The following KCNH8 variants were observed in gnomAD, a reference collection of about 807,000 sequenced individuals.
KCNH8 encodes voltage-gated delayed rectifier potassium channel KCNH8.
In KCNH8, 70 loss-of-function variants were observed where a neutral mutation model predicts 103.6. The observed-to-expected ratio is 0.68, with a 90% CI of 0.56 to 0.82. The LOEUF is 0.82. Among genes scored for constraint, KCNH8 ranks in the 40% least tolerant of loss-of-function variants. The pLI is 0.00. For missense variants in KCNH8, 1,217 were observed against 1,329.9 expected, an observed-to-expected ratio of 0.92 and a Z score of 1.32; for synonymous variants, 498 against 489.4, an observed-to-expected ratio of 1.02 and a Z score of -0.23.
chr3:19,282,824 G>A (rs2064775712), intron 3 of KCNH8, among the ~76,000 whole-genome samples: 1 of 152,012 alleles, frequency 6.6e-6, no homozygotes, highest in Non-Finnish European at 1.5e-5. Flanking sequence ...TGCCATCCAC[G>A]TTCTGAATCA....
At chr3:19,209,365 T>G (rs948469537) in intron 1 of KCNH8, among the ~76,000 whole-genome samples, 1 of 152,084 alleles carries the variant, frequency 6.6e-6, no homozygotes, top group African/African-American at 2.4e-5. Flanking sequence ...TTCTACTTCT[T>G]GAGGAAAATG....
At chr3:19,150,545 A>G (rs547829562) in intron 1 of KCNH8, among the ~76,000 whole-genome samples, 9 of 152,300 alleles carry the variant, frequency 5.9e-5, no homozygotes, top group East Asian at 5.8e-4. Context: ...TCAGATATCA[A>G]TTGCTAATGA....
At chr3:19,375,577 T>G (rs573902398) in intron 5 of KCNH8, among the ~76,000 whole-genome samples, 1 of 150,482 alleles carries the variant, frequency 6.6e-6, no homozygotes, top group East Asian at 2.0e-4. Flanking sequence ...CAGAGTAATT[T>G]GATCGTCTGA....
At chr3:19,298,323 T>A (rs950949563) in intron 3 of KCNH8, among the ~76,000 whole-genome samples, 6 of 152,348 alleles carry the variant, frequency 3.9e-5, no homozygotes, top group African/African-American at 1.4e-4. Flanking sequence ...ATATTTGCCA[T>A]ACCTGCTGTT....
Position 19,331,253 on chromosome 3 carries a change from A to T in KCNH8, c.443-11334A>T, listed in dbSNP as rs542919292. Among the ~76,000 whole-genome samples, 73 of 56,156 alleles carry T rather than the reference A, an allele frequency of 1.3e-3. No individual in the cohort carries two copies. The South Asian group carries it at 0.023, about 17-fold the overall frequency. 36.8% of individuals were successfully genotyped at this position (56,156 alleles called of 152,430 possible). ...TGGACTTCTTTCTTTAATTATTTTTATTTATTTATTTATTTATTTATTTAT... is the reference window on the plus strand; with the variant it reads ...TGGACTTCTTTCTTTAATTATTTTTTTTTATTTATTTATTTATTTATTTAT... On this transcript the variant is annotated intron_variant, in intron 3 of 15. Coordinates refer to ENST00000328405, the MANE Select transcript of KCNH8 (RefSeq NM_144633.3).
chr3:19,367,436 A>AAT (rs891386197), intron 5 of KCNH8, among the ~76,000 whole-genome samples: 20 of 146,002 alleles, frequency 1.4e-4, no homozygotes, highest in East Asian at 2.0e-4. Flanking sequence ...TATATATCAT[A>AAT]ATATATATAT....
chr3:19,405,016 G>A (rs1480640593), intron 7 of KCNH8, among the ~76,000 whole-genome samples: 1 of 151,656 alleles, frequency 6.6e-6, no homozygotes, highest in Non-Finnish European at 1.5e-5. Flanking sequence ...TACTTATTTA[G>A]ATAAATATTA....
chr3:19,231,840 G>T (rs896962533), intron 1 of KCNH8, among the ~76,000 whole-genome samples: 1 of 152,208 alleles, frequency 6.6e-6, no homozygotes, highest in South Asian at 2.1e-4. Flanking sequence ...AAAGGAGCTT[G>T]TCTTCATTTG....
chr3:19,227,836 A>T (rs1184473038), intron 1 of KCNH8, among the ~76,000 whole-genome samples: 1 of 152,124 alleles, frequency 6.6e-6, no homozygotes, highest in Admixed American at 6.6e-5. Flanking sequence ...GACTTCAAGG[A>T]TCTTGTGTTT....
intron 2 of KCNH8, among the ~76,000 whole-genome samples, chr3:19,272,321 A>G (rs563719448): frequency 6.6e-6 from 1 of 152,148 alleles, no homozygotes; most frequent in African/African-American, 2.4e-5. Flanking sequence ...ATATTCTGCC[A>G]AAAATATGAG....
chr3:19,493,166 A>C (rs1052333504), intron 11 of KCNH8, among the ~76,000 whole-genome samples: 28 of 152,116 alleles, frequency 1.8e-4, no homozygotes, highest in African/African-American at 6.8e-4. Flanking sequence ...TAATATCACA[A>C]AGAGAGACAG....
At chr3:19,171,311 C>G (rs1361005516) in intron 1 of KCNH8, among the ~76,000 whole-genome samples, 1 of 152,140 alleles carries the variant, frequency 6.6e-6, no homozygotes, top group Non-Finnish European at 1.5e-5. Flanking sequence ...GAAAAACGTT[C>G]TCACTTGCCA....
chr3:19,502,490 G>A (rs1328126261), intron 11 of KCNH8, among the ~76,000 whole-genome samples: 1 of 152,154 alleles, frequency 6.6e-6, no homozygotes, highest in Non-Finnish European at 1.5e-5. Context: ...AAAGAACAAA[G>A]CTGGAGGCAT....
intron 7 of KCNH8, among the ~76,000 whole-genome samples, chr3:19,422,777 C>T (rs1013421213): frequency 1.3e-5 from 2 of 152,058 alleles, no homozygotes; most frequent in African/African-American, 2.4e-5. Context: ...GTTCACAAAG[C>T]AGTCGGCCTA....
intron 11 of KCNH8, among the ~76,000 whole-genome samples, chr3:19,481,622 T>C (rs1488462935): frequency 1.3e-5 from 2 of 152,196 alleles, no homozygotes; most frequent in Admixed American, 6.5e-5. Flanking sequence ...AAGGAGAGAA[T>C]GTCTGTAATG....
chr3:19,338,051 T>C (rs930770317), intron 3 of KCNH8, among the ~76,000 whole-genome samples: 1 of 151,806 alleles, frequency 6.6e-6, no homozygotes, highest in African/African-American at 2.4e-5. Flanking sequence ...GCTACAAATA[T>C]ATATTCTAGG....
Position 19,533,434 on chromosome 3 carries a change from GA to G in KCNH8, c.2660del (p.Asp887AlafsTer2). The G allele has an allele frequency of 1.2e-6, 2 of 1,614,080 alleles. No individual in the cohort carries two copies. The highest frequency in any genetic ancestry group is 1.7e-6 in the Non-Finnish European group (2 of 1,179,970). ...LTQEVSQLGK[D>X]MRNVIQLLEN... The stretch of plus-strand genomic sequence containing the variant: ...TCAGGAAGTTTCTCAGTTGGGTAAA[GA>G]CATGAGAAATGTGATCCAGCTTCTG... On this transcript the variant is annotated frameshift_variant, in exon 16 of 16. Transcript: ENST00000328405. LOFTEE classifies it high-confidence loss of function.
chr3:19,281,561 T>C (rs1166245850), intron 3 of KCNH8, among the ~76,000 whole-genome samples: 1 of 152,090 alleles, frequency 6.6e-6, no homozygotes, highest in Non-Finnish European at 1.5e-5. Flanking sequence ...CATATTCCTA[T>C]GCTAATATGA....
At chr3:19,333,868 T>C (rs1425901257) in intron 3 of KCNH8, among the ~76,000 whole-genome samples, 1 of 152,190 alleles carries the variant, frequency 6.6e-6, no homozygotes, top group Non-Finnish European at 1.5e-5. Context: ...CTTGTAGTCA[T>C]TTTTGTGTAT....
Sources: allele counts gnomAD v4.1 joint callset (sites outside exome capture counted in the v4.1 genomes callset), GRCh38; gene constraint gnomAD v4.1.1; transcripts MANE v1.5; gene names NCBI Gene and HGNC (gene_info 2026-07-23, HGNC 2026-07-21).